SOX6: variants seen among roughly 807,000 people sequenced by gnomAD.
SOX6 encodes the protein SRY-box transcription factor 6, also known as transcription factor SOX-6.
A neutral mutation model predicts 97.8 loss-of-function variants in SOX6; 11 were observed. That is an observed-to-expected ratio of 0.11 (90% CI 0.07 to 0.19). The LOEUF (loss-of-function observed/expected upper bound fraction) is 0.19, where lower values mean the gene tolerates loss of function less well. SOX6 is among the 10% of genes least tolerant of loss of function. The pLI is 1.00. For missense variants in SOX6, 810 were observed against 1,039.5 expected, an observed-to-expected ratio of 0.78 and a Z score of 3.04; for synonymous variants, 360 against 371.4, an observed-to-expected ratio of 0.97 and a Z score of 0.35.
At chr11:16,206,780 T>C (rs984810580) in intron 4 of SOX6, among the ~76,000 whole-genome samples, 10 of 152,164 alleles carry the variant, frequency 6.6e-5, no homozygotes, top group African/African-American at 2.4e-4. Flanking sequence ...ATTTATTTTA[T>C]CCTGTTTAAT....
chr11:16,358,498 A>G (rs1291502048), upstream of SOX6, among the ~76,000 whole-genome samples: 1 of 152,120 alleles, frequency 6.6e-6, no homozygotes, highest in Non-Finnish European at 1.5e-5. Context: ...AGAACACAAC[A>G]TGACTAAAAT....
At chr11:16,424,816 TG>T in intron 1 of SOX6, among the ~76,000 whole-genome samples, 1 of 152,348 alleles carries the variant, frequency 6.6e-6, no homozygotes, top group South Asian at 2.1e-4. Flanking sequence ...ACAAGCCATA[TG>T]GCTCTGGGGA....
At chr11:16,427,479 A>C (rs1309103318) in intron 1 of SOX6, among the ~76,000 whole-genome samples, 48 of 136,148 alleles carry the variant, frequency 3.5e-4, no homozygotes, top group South Asian at 1.2e-3. Flanking sequence ...ATCCCTCCCC[A>C]CTCCCCCCAC....
intron 4 of SOX6, among the ~76,000 whole-genome samples, chr11:16,220,824 A>G (rs1852516507): frequency 6.6e-6 from 1 of 152,090 alleles, no homozygotes; most frequent in African/African-American, 2.4e-5. Context: ...TTAAATAAAC[A>G]GATCAATTTA....
rs141263573 is a variant in SOX6 at position 16,710,866 on chromosome 11, T to C, written n.429+3964A>G. Among the ~76,000 whole-genome samples, 1,082 of 152,330 alleles carry C rather than the reference T, an allele frequency of 7.1e-3. 14 individuals carry two copies. The highest frequency in any genetic ancestry group is 0.024 in the African/African-American group (977 of 41,570). On this transcript the variant is annotated intron_variant and non_coding_transcript_variant, in intron 3 of 5. Coordinates refer to the SOX6 transcript ENST00000524520. Reference sequence around the variant, plus strand: ...TCAAAAACATTATAAATTTAATGTGTCCAGAGAAAAAGATTAACAAATCAT... The same window carrying C: ...TCAAAAACATTATAAATTTAATGTGCCCAGAGAAAAAGATTAACAAATCAT...
intron 6 of SOX6, among the ~76,000 whole-genome samples, chr11:16,169,452 T>C (rs1417386757): frequency 6.6e-6 from 1 of 152,132 alleles, no homozygotes; most frequent in Non-Finnish European, 1.5e-5. Flanking sequence ...GATAAATGGC[T>C]AATGAGGATT....
chr11:16,304,813 G>A (rs539309838), intron 3 of SOX6, among the ~76,000 whole-genome samples: 3 of 152,156 alleles, frequency 2.0e-5, no homozygotes, highest in Non-Finnish European at 2.9e-5. Context: ...GCAATTCAAT[G>A]GAGGAAGGTT....
intron 2 of SOX6, among the ~76,000 whole-genome samples, chr11:16,716,350 C>T (rs1848219632): frequency 6.6e-6 from 1 of 152,162 alleles, no homozygotes; most frequent in Non-Finnish European, 1.5e-5. Flanking sequence ...TGGAGGCCAG[C>T]TTGGGCAACA....
At chr11:16,611,771 C>T (rs1255378528) in intron 4 of SOX6, among the ~76,000 whole-genome samples, 1 of 152,184 alleles carries the variant, frequency 6.6e-6, no homozygotes, top group Non-Finnish European at 1.5e-5. Flanking sequence ...TGTCCCTCGA[C>T]TTTAAGTGGA....
chr11:16,094,362 AG>A (rs1235032641), intron 9 of SOX6, among the ~76,000 whole-genome samples: 1 of 151,860 alleles, frequency 6.6e-6, no homozygotes, highest in Admixed American at 6.6e-5. Context: ...ATTAGGCAAA[AG>A]AAGAGACTGG....
chr11:16,399,164 G>A (rs895721189), intron 1 of SOX6, among the ~76,000 whole-genome samples: 2 of 151,108 alleles, frequency 1.3e-5, no homozygotes, highest in Admixed American at 6.6e-5. Context: ...AACCAGGTCT[G>A]TGTGTCTCAT....
intron 1 of SOX6, among the ~76,000 whole-genome samples, chr11:16,343,862 A>G (rs981977940): frequency 6.6e-6 from 1 of 151,892 alleles, no homozygotes; most frequent in African/African-American, 2.4e-5. Flanking sequence ...TTTATTTTGC[A>G]TCTACAAATA....
At chr11:16,261,180 G>A (rs1025000714) in intron 3 of SOX6, among the ~76,000 whole-genome samples, 4 of 152,006 alleles carry the variant, frequency 2.6e-5, no homozygotes, top group Non-Finnish European at 1.5e-5. Flanking sequence ...AGCTCTATGA[G>A]GCCAAGAAAT....
At chr11:16,262,833 A>C (rs762874721) in intron 3 of SOX6, among the ~76,000 whole-genome samples, 2 of 152,036 alleles carry the variant, frequency 1.3e-5, no homozygotes, top group Non-Finnish European at 2.9e-5. Context: ...GTCTTTCCTG[A>C]GTTTGATGTA....
At chr11:16,525,115 G>A (rs1253432523) in intron 4 of SOX6, among the ~76,000 whole-genome samples, 3 of 152,104 alleles carry the variant, frequency 2.0e-5, no homozygotes, top group African/African-American at 7.2e-5. Flanking sequence ...TTTCTTCACA[G>A]AATTGGAAAA....
Position 15,986,250 on chromosome 11 carries a change from G to T in SOX6, c.2137C>A (p.Leu713Met). 6 of 1,614,144 alleles carry T rather than the reference G, an allele frequency of 3.7e-6. No homozygotes were observed. Among genetic ancestry groups the T allele is most frequent in the Non-Finnish European group, 5.1e-6 (6 of 1,180,004 alleles). ...ATCTCCTGTCTCCGAGACCTCATCA[G>T]TTGCTTATACTCCCCAATCCGAAGC... is the stretch of plus-strand genomic sequence containing the variant. Reference protein sequence around the residue: ...KKLRIGEYKQLMRSRRQEMRQ... With the variant: ...KKLRIGEYKQMMRSRRQEMRQ... The change falls in exon 15 of 16, where the codon CTG becomes ATG. Residue 713 changes from leucine (L) to methionine (M), a missense_variant. Transcript: ENST00000683767.
intron 12 of SOX6, among the ~76,000 whole-genome samples, chr11:16,043,932 C>T (rs1408789231): frequency 6.6e-6 from 1 of 152,124 alleles, no homozygotes. Flanking sequence ...ACTCTCACCC[C>T]AACTTAGGAC....
chr11:16,340,923 A>C (rs578171583), intron 2 of SOX6, 89 bp downstream of exon 2: 2 of 1,568,292 alleles, frequency 1.3e-6, no homozygotes, highest in Admixed American at 1.7e-5. Context: ...AATAACTCTA[A>C]GGTCATCTAT....
At chr11:16,505,081 G>T (rs1194877672) in intron 4 of SOX6, among the ~76,000 whole-genome samples, 3 of 152,212 alleles carry the variant, frequency 2.0e-5, no homozygotes, top group Non-Finnish European at 4.4e-5. Context: ...AGCAGCTGCA[G>T]AACTGGGGAA....
Sources: allele counts gnomAD v4.1 joint callset (sites outside exome capture counted in the v4.1 genomes callset), GRCh38; gene constraint gnomAD v4.1.1; transcripts MANE v1.5; gene names NCBI Gene and HGNC (gene_info 2026-07-23, HGNC 2026-07-21).